COBL: variants seen among roughly 807,000 people sequenced by gnomAD.
COBL encodes the protein protein cordon-bleu.
Under a neutral mutation model 98.8 loss-of-function variants are expected in COBL, and 51 were observed. The observed-to-expected ratio is 0.52, with a 90% confidence interval of 0.41 to 0.65. The LOEUF (loss-of-function observed/expected upper bound fraction) is 0.65, where lower values mean the gene tolerates loss of function less well. Ranked by LOEUF, COBL falls within the 30% of genes least tolerant of loss-of-function variation. COBL has a pLI of 0.00. For missense variants in COBL, 1,617 were observed against 1,617.5 expected, an observed-to-expected ratio of 1.00 and a Z score of 0.01; for synonymous variants, 634 against 651.7, an observed-to-expected ratio of 0.97 and a Z score of 0.41.
chr7:51,027,656 C>G (rs1787703931), intron 10 of COBL, 56 bp downstream of exon 10: 5 of 1,386,346 alleles, frequency 3.6e-6, no homozygotes, highest in East Asian at 2.3e-5. Context: ...ACTCTGAGAC[C>G]AGTGCACTGA....
rs117002115 is a variant in COBL, at chr7:51,310,459, G to C, written c.41+6134C>G. Among the ~76,000 whole-genome samples, 1,172 of 152,336 alleles carry C rather than the reference G, an allele frequency of 7.7e-3. 61 individuals are homozygous for C. The South Asian group carries it at 0.13, about 18-fold the overall frequency. ...TTAACAAATAAGCAGAGGGCATTCT[G>C]AATCAGGGAAGGATGCCCTGTCTGG... is the stretch of plus-strand genomic sequence containing the variant. On this transcript the variant is annotated intron_variant, in intron 1 of 12. Coordinates refer to ENST00000265136, the MANE Select transcript of COBL (RefSeq NM_015198.5).
chr7:51,278,629 C>G (rs1031274805), intron 1 of COBL, among the ~76,000 whole-genome samples: 4 of 152,130 alleles, frequency 2.6e-5, no homozygotes, highest in African/African-American at 9.7e-5. Flanking sequence ...ATCTACCCAC[C>G]TCAGCCTCCC....
At chr7:51,044,506 A>G (rs1789509574) in intron 7 of COBL, among the ~76,000 whole-genome samples, 4 of 152,250 alleles carry the variant, frequency 2.6e-5, no homozygotes, top group Admixed American at 2.6e-4. Context: ...TGAAATTTGA[A>G]GGACAAAAAC....
At chr7:51,221,813 A>G (rs1399330858) in intron 1 of COBL, among the ~76,000 whole-genome samples, 1 of 152,236 alleles carries the variant, frequency 6.6e-6, no homozygotes, top group Non-Finnish European at 1.5e-5. Flanking sequence ...AACGACAGCA[A>G]AAGTGATTAG....
At chr7:51,021,577 C>T (rs1446358815) in intron 12 of COBL, among the ~76,000 whole-genome samples, 1 of 152,160 alleles carries the variant, frequency 6.6e-6, no homozygotes, top group African/African-American at 2.4e-5. Flanking sequence ...ATCCTCTTGC[C>T]TCAGCCTCCC....
At chr7:51,124,484 C>T (rs554360492) in intron 6 of COBL, among the ~76,000 whole-genome samples, 1 of 152,278 alleles carries the variant, frequency 6.6e-6, no homozygotes, top group African/African-American at 2.4e-5. Context: ...GTATCTCTGG[C>T]TCCCAACTGG....
chr7:51,130,059 A>T (rs1798590860), intron 6 of COBL, among the ~76,000 whole-genome samples: 1 of 152,164 alleles, frequency 6.6e-6, no homozygotes, highest in Non-Finnish European at 1.5e-5. Context: ...ACTTCAAAGG[A>T]AAACAGGCAG....
intron 7 of COBL, among the ~76,000 whole-genome samples, chr7:51,068,550 C>T (rs1020897732): frequency 2.0e-5 from 3 of 152,130 alleles, no homozygotes; most frequent in African/African-American, 7.2e-5. Context: ...GTCTTATGTA[C>T]ATATACACAT....
chr7:51,261,727 G>A (rs987034744), intron 1 of COBL, among the ~76,000 whole-genome samples: 21 of 152,160 alleles, frequency 1.4e-4, no homozygotes, highest in African/African-American at 5.1e-4. Flanking sequence ...AGCACTTTGA[G>A]AGGCCGAAGT....
chr7:51,238,197 AT>A (rs1366250225), intron 1 of COBL, among the ~76,000 whole-genome samples: 8 of 152,138 alleles, frequency 5.3e-5, no homozygotes, highest in African/African-American at 1.9e-4. Context: ...GCCATGGTAG[AT>A]TTGTTCAACT....
chr7:51,300,152 G>A (rs1801801248), intron 1 of COBL, among the ~76,000 whole-genome samples: 2 of 150,854 alleles, frequency 1.3e-5, no homozygotes, highest in South Asian at 4.2e-4. Flanking sequence ...GTTTTGTTTT[G>A]TTTTGTTTTG....
chr7:51,132,809 A>G (rs976030722), intron 6 of COBL, among the ~76,000 whole-genome samples: 1 of 152,110 alleles, frequency 6.6e-6, no homozygotes, highest in Non-Finnish European at 1.5e-5. Context: ...TCACATGGTG[A>G]GAGAGGGAGC....
At chr7:51,209,046 TAA>T (rs572689062) in intron 2 of COBL, among the ~76,000 whole-genome samples, 22 of 43,430 alleles carry the variant, frequency 5.1e-4, no homozygotes, top group African/African-American at 1.5e-3. Context: ...AATGATCAAT[TAA>T]AAAAAAAAAA....
At position 51,061,950 on chromosome 7, in the gene COBL, T is replaced by TACACACACACACACACATACAC. The variant is rs1554364724; in HGVS notation, c.1097-18259_1097-18258insGTGTATGTGTGTGTGTGTGTGT. On this transcript the variant is annotated intron_variant, in intron 7 of 12. Transcript: ENST00000265136. Reference sequence around the variant, plus strand: ...AAAAAAAATCTCTCCCCACCATAGATACACACACACACACACACACACACA... The same window carrying TACACACACACACACACATACAC: ...AAAAAAAATCTCTCCCCACCATAGATACACACACACACACACATACACACACACACACACACACACACACACA... 5.8e-3 allele frequency among the ~76,000 whole-genome samples: 841 copies of TACACACACACACACACATACAC among 145,502 alleles called. 7 individuals carry two copies. Among genetic ancestry groups the TACACACACACACACACATACAC allele is most frequent in the African/African-American group, 0.02 (739 of 36,762 alleles).
At chr7:51,043,293 G>T in intron 8 of COBL, 90 bp downstream of exon 8, 1 of 1,287,644 alleles carries the variant, frequency 7.8e-7, no homozygotes. Context: ...GGTTGTGATA[G>T]CACGTGTTGG....
At chr7:51,057,164 T>G (rs774065967) in intron 7 of COBL, among the ~76,000 whole-genome samples, 4 of 152,200 alleles carry the variant, frequency 2.6e-5, no homozygotes, top group Admixed American at 6.5e-5. Flanking sequence ...TTACTGTACT[T>G]AATAATGGCC....
At chr7:51,172,800 T>C in intron 5 of COBL, among the ~76,000 whole-genome samples, 1 of 149,674 alleles carries the variant, frequency 6.7e-6, no homozygotes, top group Non-Finnish European at 1.5e-5. Context: ...CTCTCTTTCC[T>C]TTTTTTTTGA....
intron 1 of COBL, among the ~76,000 whole-genome samples, chr7:51,223,229 A>C (rs1793830247): frequency 6.6e-6 from 1 of 152,268 alleles, no homozygotes; most frequent in Admixed American, 6.5e-5. Flanking sequence ...TTTGCCCAGC[A>C]GAGTGCTGTG....
At chr7:51,170,506 G>GATATATATAT (rs3047166) in intron 5 of COBL, among the ~76,000 whole-genome samples, 18 of 132,056 alleles carry the variant, frequency 1.4e-4, no homozygotes, top group African/African-American at 5.0e-4. Flanking sequence ...CTGACACTGT[G>GATATATATAT]ATATATATAT....
Sources: allele counts gnomAD v4.1 joint callset (sites outside exome capture counted in the v4.1 genomes callset), GRCh38; gene constraint gnomAD v4.1.1; transcripts MANE v1.5; gene names NCBI Gene and HGNC (gene_info 2026-07-23, HGNC 2026-07-21).